The following FAF1 variants were observed in gnomAD, a reference collection of about 807,000 sequenced individuals.
FAF1 encodes the protein Fas associated factor 1.
FAF1 carries 25 observed loss-of-function variants against 92.5 expected under a neutral mutation model. The ratio of observed to expected loss-of-function variants is 0.27; its 90% CI spans 0.20 to 0.38. The LOEUF is 0.38. FAF1 is among the 10% of genes least tolerant of loss of function. FAF1 has a pLI of 1.00. For missense variants in FAF1, 636 were observed against 793.3 expected, an observed-to-expected ratio of 0.80 and a Z score of 2.38; for synonymous variants, 234 against 273.2, an observed-to-expected ratio of 0.86 and a Z score of 1.42.
chr1:50,951,809 C>G (rs1645216094), intron 1 of FAF1, among the ~76,000 whole-genome samples: 1 of 152,180 alleles, frequency 6.6e-6, no homozygotes, highest in African/African-American at 2.4e-5. Context: ...CGCAACATCA[C>G]AAAAGATATC....
At chr1:50,655,336 A>G (rs1655058481) in intron 8 of FAF1, 106 bp downstream of exon 8, 1 of 808,082 alleles carries the variant, frequency 1.2e-6, no homozygotes, top group African/African-American at 1.7e-5. Flanking sequence ...AATTCTTTCA[A>G]TGGAAGACTC....
intron 8 of FAF1, among the ~76,000 whole-genome samples, chr1:50,626,934 A>G (rs549383080): frequency 1.1e-4 from 16 of 152,316 alleles, no homozygotes; most frequent in Admixed American, 2.0e-4. Flanking sequence ...TCAGCAAGAC[A>G]GAGAGAAATT....
intron 3 of FAF1, among the ~76,000 whole-genome samples, chr1:50,795,730 C>T (rs1334097764): frequency 5.3e-5 from 8 of 152,170 alleles, no homozygotes; most frequent in Non-Finnish European, 1.2e-4. Context: ...GCTGATGGTT[C>T]AGAAATCATG....
intron 2 of FAF1, among the ~76,000 whole-genome samples, chr1:50,826,073 A>C (rs928200101): frequency 3.9e-5 from 6 of 152,252 alleles, no homozygotes; most frequent in Non-Finnish European, 7.3e-5. Context: ...TGAAGACTTC[A>C]AGAAATGATC....
At chr1:50,529,079 A>C (rs912873435) in intron 15 of FAF1, among the ~76,000 whole-genome samples, 2 of 152,210 alleles carry the variant, frequency 1.3e-5, no homozygotes, top group African/African-American at 4.8e-5. Flanking sequence ...GTCAAAAGTT[A>C]TACCTGCATT....
chr1:50,586,890 A>G (rs887371105), intron 9 of FAF1, among the ~76,000 whole-genome samples: 4 of 152,226 alleles, frequency 2.6e-5, no homozygotes, highest in Non-Finnish European at 5.9e-5. Flanking sequence ...TTTACAAGAT[A>G]TACCACATGT....
At chr1:50,791,629 C>A (rs1015313369) in intron 3 of FAF1, among the ~76,000 whole-genome samples, 10 of 152,160 alleles carry the variant, frequency 6.6e-5, no homozygotes, top group African/African-American at 2.4e-4. Flanking sequence ...ACATGAGCAG[C>A]AGCTGGACAG....
chr1:50,637,700 T>TGTGTGC (rs1654116003), intron 8 of FAF1, among the ~76,000 whole-genome samples: 1 of 150,744 alleles, frequency 6.6e-6, no homozygotes, highest in Non-Finnish European at 1.5e-5. Flanking sequence ...TGTGTGTGTG[T>TGTGTGC]GTGTGTGTGT....
intron 15 of FAF1, among the ~76,000 whole-genome samples, chr1:50,521,300 C>T (rs1210925832): frequency 2.0e-5 from 3 of 152,128 alleles, no homozygotes; most frequent in Non-Finnish European, 2.9e-5. Context: ...TTCTCGCAAA[C>T]ATGGCCATAT....
intron 8 of FAF1, among the ~76,000 whole-genome samples, chr1:50,629,742 T>C (rs993305491): frequency 1.6e-4 from 24 of 152,018 alleles, no homozygotes; most frequent in African/African-American, 4.1e-4. Context: ...CCCTTCGGGA[T>C]TGATTAACGT....
At chr1:50,913,231 T>C (rs553486173) in intron 1 of FAF1, among the ~76,000 whole-genome samples, 1 of 152,344 alleles carries the variant, frequency 6.6e-6, no homozygotes, top group African/African-American at 2.4e-5. Context: ...TGGGACACAG[T>C]AGATTGTTCA....
intron 4 of FAF1, among the ~76,000 whole-genome samples, chr1:50,776,647 T>C (rs1660973290): frequency 6.6e-6 from 1 of 151,950 alleles, no homozygotes; most frequent in Admixed American, 6.6e-5. Context: ...AAAATTTATT[T>C]AATATATAAT....
chr1:50,617,476 C>T (rs1430652372), intron 8 of FAF1, among the ~76,000 whole-genome samples: 5 of 152,138 alleles, frequency 3.3e-5, no homozygotes, highest in African/African-American at 7.2e-5. Context: ...GTTAAACCAA[C>T]TTTGCATCCC....
intron 18 of FAF1, among the ~76,000 whole-genome samples, chr1:50,461,032 G>A (rs943492242): frequency 3.5e-4 from 54 of 152,118 alleles, no homozygotes; most frequent in African/African-American, 1.3e-3. Flanking sequence ...AAAATGTGAC[G>A]AGAGGCTCAC....
In FAF1 at chr1:50,913,592, G is replaced by A. The variant is rs1644901010; in HGVS notation, c.45+46175C>T. ...TTTCAAATTTCATCAAGAGTAAACT[G>A]TCAGCAACAGCAGATAATTATCAAT... On this transcript the variant is annotated intron_variant, in intron 1 of 18. Transcript: ENST00000396153. Among the ~76,000 whole-genome samples the A allele has an allele frequency of 3.3e-5, 5 of 152,166 alleles. No individual in the cohort carries two copies. The South Asian group carries it at 1.0e-3, about 31-fold the overall frequency.
At chr1:50,945,139 A>G (rs2124757274) in intron 1 of FAF1, among the ~76,000 whole-genome samples, 1 of 152,360 alleles carries the variant, frequency 6.6e-6, no homozygotes, top group Non-Finnish European at 1.5e-5. Context: ...AAATACCTTG[A>G]CAATCAGTTC....
intron 8 of FAF1, among the ~76,000 whole-genome samples, chr1:50,598,138 A>C (rs1651917145): frequency 6.6e-6 from 1 of 152,030 alleles, no homozygotes; most frequent in Admixed American, 6.6e-5. Flanking sequence ...TAAAAACATA[A>C]ACAAAAGATT....
intron 13 of FAF1, among the ~76,000 whole-genome samples, chr1:50,565,820 C>T (rs1650153328): frequency 1.3e-5 from 2 of 152,062 alleles, no homozygotes; most frequent in Non-Finnish European, 2.9e-5. Flanking sequence ...TTTCCTTCTC[C>T]ATCAAGTTGT....
intron 12 of FAF1, among the ~76,000 whole-genome samples, chr1:50,578,011 TGAGA>T (rs1650830188): frequency 6.6e-6 from 1 of 152,238 alleles, no homozygotes; most frequent in African/African-American, 2.4e-5. Context: ...TGTGGCATCG[TGAGA>T]AACACTTTAT....
Sources: gnomAD v4.1 joint callset for allele counts (sites outside exome capture counted in the v4.1 genomes callset) on GRCh38, gnomAD v4.1.1 for gene constraint, MANE v1.5 for transcripts, NCBI Gene and HGNC (gene_info 2026-07-23, HGNC 2026-07-21) for gene names.